CRIP3: variants seen among roughly 807,000 people sequenced by gnomAD.
CRIP3 encodes cysteine rich protein 3, also known as cysteine-rich protein 3.
Under a neutral mutation model 30.3 loss-of-function variants are expected in CRIP3, and 23 were observed. The ratio of observed to expected loss-of-function variants is 0.76; its 90% CI spans 0.55 to 1.08. The LOEUF (loss-of-function observed/expected upper bound fraction) is 1.08, where lower values mean the gene tolerates loss of function less well. Among genes scored for constraint, CRIP3 ranks in the 50% least tolerant of loss-of-function variants. The pLI is 0.00. For missense variants in CRIP3, 261 were observed against 259.3 expected (o/e 1.01, Z -0.04); for synonymous variants, 89 against 97.6 (o/e 0.91, Z 0.52).
intron 7 of CRIP3, 74 bp from the exon 8 acceptor site, chr6:43,305,949 G>T (rs748127034): frequency 1.5e-4 from 244 of 1,611,266 alleles, no homozygotes; most frequent in Middle Eastern, 6.6e-4. Flanking sequence ...GAACTTGGTG[G>T]GGGGGCCAGG....
Position 43,308,824 on chromosome 6 carries a change from A to G in CRIP3, c.-32T>C, listed in dbSNP as rs1335205470. 1.2e-6 allele frequency: 2 copies of G among 1,613,046 alleles called. No individual in the cohort carries two copies. The highest frequency in any genetic ancestry group is 1.7e-5 in the Admixed American group (1 of 59,994). ...GCTCCAGGCAGCGCACGCGGCACAC[A>G]GTAGGTACGCCGCTGCGGCTCAGTT... is the stretch of plus-strand genomic sequence containing the variant. On this transcript the variant is annotated 5_prime_UTR_variant, in exon 1 of 8. Coordinates refer to ENST00000372569, the MANE Select transcript of CRIP3 (RefSeq NM_206922.3).
In CRIP3 at chr6:43,306,264, C is replaced by T. The variant is rs777016903; in HGVS notation, c.450G>A (p.Arg150=). The T allele has an allele frequency of 6.8e-6, 11 of 1,614,090 alleles. No homozygotes were observed. Among genetic ancestry groups the T allele is most frequent in the African/African-American group, 1.3e-5 (1 of 74,924 alleles). Reference sequence around the variant, plus strand: ...TCAGGGTCTTGTGGCAACGCTGGCACCTCAGACACGGTCGGTGCCAATTTC... The same window carrying T: ...TCAGGGTCTTGTGGCAACGCTGGCATCTCAGACACGGTCGGTGCCAATTTC... ...LGRNWHRPCL[R]CQRCHKTLTA... Residue 150 remains arginine, a synonymous_variant, in exon 6 of 8, where the codon AGG becomes AGA. Coordinates refer to ENST00000372569, the MANE Select transcript of CRIP3 (RefSeq NM_206922.3).
At position 43,307,742 on chromosome 6, in the gene CRIP3, C is replaced by A; in HGVS notation, c.198G>T (p.Gly66=). 1 of 1,597,696 alleles carries A rather than the reference C, an allele frequency of 6.3e-7. No individual in the cohort carries two copies. ...AGGAGCCTACACCACCAATGTTCAC[C>A]CCTGAAGAGAGAATAGGGGAGGTCA... ...PCYGALFGPR[G]VNIGGVGSYL... is the part of the protein sequence containing the mutation. Residue 66 remains glycine, a splice_region_variant and synonymous_variant, in exon 4 of 8, where the codon GGG becomes GGT. Transcript: ENST00000372569.
In CRIP3 at chr6:43,306,232, C is replaced by T. The variant is rs1778929046; in HGVS notation, c.482G>A (p.Gly161Glu). 4.3e-6 allele frequency: 7 copies of T among 1,614,072 alleles called. No individual in the cohort carries two copies. The highest frequency in any genetic ancestry group is 5.9e-6 in the Non-Finnish European group (7 of 1,180,038). ...CQRCHKTLTA[G>E]SHAEHDGVPY... ...TGCCCTGCTCACCTCAGCATGACTC[C>T]CAGCAGTCAGGGTCTTGTGGCAACG... Residue 161 changes from glycine (G) to glutamate (E), a missense_variant, in exon 6 of 8, where the codon GGG becomes GAG. Transcript: ENST00000372569.
rs1778914084 is a variant in CRIP3 at position 43,305,853 on chromosome 6, G to C, written c.576C>G (p.Gly192=). Residue 192 remains glycine, a synonymous_variant, in exon 8 of 8, where the codon GGC becomes GGG. Transcript: ENST00000372569. The part of the protein sequence containing the change: ...GPKGVNIGDV[G]CYIYDPVKIK... Reference sequence around the variant, plus strand: ...TCTTCACTGGGTCATAGATGTAGCAGCCCACATCGCCAATGTTCACACCTG... The same window carrying C: ...TCTTCACTGGGTCATAGATGTAGCACCCCACATCGCCAATGTTCACACCTG... 6.2e-7 allele frequency: 1 copy of C among 1,614,138 alleles called. No homozygotes were observed. Among genetic ancestry groups the C allele is most frequent in the East Asian group, 2.2e-5 (1 of 44,880 alleles).
intron 4 of CRIP3, 78 bp from the exon 5 acceptor site, chr6:43,306,595 C>A: frequency 8.3e-7 from 1 of 1,210,410 alleles, no homozygotes; most frequent in Non-Finnish European, 1.2e-6. Context: ...GTGCTGTCCT[C>A]TTTCAAAAGC....
intron 4 of CRIP3, chr6:43,306,871 T>C (rs1778945817): frequency 1.8e-5 from 4 of 217,896 alleles, no homozygotes; most frequent in South Asian, 2.1e-4. Flanking sequence ...CACAGTGTCA[T>C]TGCCTACTTC....
Position 43,307,912 on chromosome 6 carries a change from G to C in CRIP3, c.139-16C>G, listed in dbSNP as rs1325719324. On this transcript the variant is annotated splice_polypyrimidine_tract_variant and intron_variant, in intron 2 of 7. Coordinates refer to ENST00000372569, the MANE Select transcript of CRIP3 (RefSeq NM_206922.3). Reference sequence around the variant, plus strand: ...TCCCATTGTGCTGGGCACAAGCAGAGGGAAGTGGGTTACTCAAGGCCAGCG... The same window carrying C: ...TCCCATTGTGCTGGGCACAAGCAGACGGAAGTGGGTTACTCAAGGCCAGCG... 1.2e-6 allele frequency: 2 copies of C among 1,613,206 alleles called. No homozygotes were observed. The highest frequency in any genetic ancestry group is 1.7e-6 in the Non-Finnish European group (2 of 1,179,930).
intron 2 of CRIP3, 88 bp downstream of exon 2, chr6:43,308,227 A>C: frequency 4.2e-6 from 5 of 1,191,418 alleles, no homozygotes; most frequent in Non-Finnish European, 6.0e-6. Flanking sequence ...TCCCTTTGGC[A>C]GGCCTCCAGT....
chr6:43,306,008 T>A (rs1384762867), intron 7 of CRIP3, 59 bp downstream of exon 7: 1 of 1,605,482 alleles, frequency 6.2e-7, no homozygotes. Context: ...ACAGACCATG[T>A]ACATGCCATA....
At chr6:43,306,720 A>G in intron 4 of CRIP3, 1 of 544,492 alleles carries the variant, frequency 1.8e-6, no homozygotes, top group Non-Finnish European at 3.2e-6. Flanking sequence ...ATTAGGGACT[A>G]TCTGCTTCCT....
chr6:43,307,799 G>A (rs1261526863), intron 3 of CRIP3, 40 bp downstream of exon 3: 1 of 1,611,916 alleles, frequency 6.2e-7, no homozygotes, highest in Non-Finnish European at 8.5e-7. Flanking sequence ...GCCACAAGGA[G>A]GGTTCTGCTG....
intron 2 of CRIP3, among the ~76,000 whole-genome samples, chr6:43,308,099 G>A (rs1054627610): frequency 1.3e-5 from 2 of 152,076 alleles, no homozygotes; most frequent in Non-Finnish European, 2.9e-5. Context: ...AGGTGACGCT[G>A]CTTCCCACTC....
chr6:43,305,995 C>T, intron 7 of CRIP3, 72 bp downstream of exon 7: 3 of 1,606,370 alleles, frequency 1.9e-6, no homozygotes, highest in Non-Finnish European at 8.5e-7. Context: ...TCCACACATA[C>T]CCACAGACCA....
intron 4 of CRIP3, 90 bp from the exon 5 acceptor site, chr6:43,306,607 A>G (rs1182406514): frequency 4.3e-6 from 5 of 1,152,114 alleles, no homozygotes; most frequent in Non-Finnish European, 6.1e-6. Flanking sequence ...TTCAAAAGCC[A>G]TGCTCATTCC....
At position 43,305,800 on chromosome 6, in the gene CRIP3, T is replaced by A. The variant is rs763581229; in HGVS notation, c.*14A>T. ...TGGGAGGCCTGAGTTAGGGTGACCT[T>A]TTTTGTGAGCGTCTCATTTGAATTT... On this transcript the variant is annotated 3_prime_UTR_variant, in exon 8 of 8. Coordinates refer to ENST00000372569, the MANE Select transcript of CRIP3 (RefSeq NM_206922.3). 6.2e-7 allele frequency: 1 copy of A among 1,614,110 alleles called. No homozygotes were observed. Among genetic ancestry groups the A allele is most frequent in the South Asian group, 1.1e-5 (1 of 91,082 alleles).
At position 43,306,298 on chromosome 6, in the gene CRIP3, G is replaced by A; in HGVS notation, c.416C>T (p.Ser139Leu). ...CGGTCGGTGCCAATTTCTGCCTAAT[G>A]ACATCACCTTCTCAGCTGGTGGTGG... ...EPVYFAEKVMSLGRNWHRPCL... is the reference protein window; with the variant it reads ...EPVYFAEKVMLLGRNWHRPCL... Residue 139 changes from serine to leucine, a missense_variant, in exon 6 of 8, where the codon TCA (serine) becomes TTA (leucine). Physicochemically the swap from Ser to Leu is moderately radical, Grantham distance 145. Coordinates refer to ENST00000372569, the MANE Select transcript of CRIP3 (RefSeq NM_206922.3). 2 of 1,614,082 alleles carry A rather than the reference G, an allele frequency of 1.2e-6. No homozygotes were observed. Among genetic ancestry groups the A allele is most frequent in the Non-Finnish European group, 1.7e-6 (2 of 1,180,004 alleles).
In CRIP3 at chr6:43,307,870, C is replaced by T. The variant is rs1319727366; in HGVS notation, c.165G>A (p.Lys55=). ...AEHNGRPYCH[K]PCYGALFGPR... ...GTCCAAAGAGAGCCCCATAGCATGG[C>T]TTGTGGCAGTATGGCCTCCCATTGT... The change falls in exon 3 of 8, where the codon AAG becomes AAA. Residue 55 remains lysine, a synonymous_variant. Transcript: ENST00000372569. 2 of 1,613,974 alleles carry T rather than the reference C, an allele frequency of 1.2e-6. No individual in the cohort carries two copies. Among genetic ancestry groups the T allele is most frequent in the Admixed American group, 1.7e-5 (1 of 60,028 alleles).
intron 2 of CRIP3, 90 bp from the exon 3 acceptor site, chr6:43,307,986 C>A: frequency 7.0e-7 from 1 of 1,423,768 alleles, no homozygotes; most frequent in Non-Finnish European, 9.8e-7. Context: ...CCAGGTGTGT[C>A]TGTCCACTGG....
Sources: gnomAD v4.1 joint callset for allele counts (sites outside exome capture counted in the v4.1 genomes callset) on GRCh38, gnomAD v4.1.1 for gene constraint, MANE v1.5 for transcripts, NCBI Gene and HGNC (gene_info 2026-07-23, HGNC 2026-07-21) for gene names.